Variants in ADAMTS19 observed in about 807,000 individuals in gnomAD.
ADAMTS19 encodes ADAM metallopeptidase with thrombospondin type 1 motif 19.
In ADAMTS19, 93 loss-of-function variants were observed where a neutral mutation model predicts 153.3. The ratio of observed to expected loss-of-function variants is 0.61; its 90% confidence interval spans 0.51 to 0.72. ADAMTS19 has a LOEUF of 0.72. ADAMTS19 is among the 30% of genes least tolerant of loss of function. ADAMTS19 has a pLI of 0.00. For missense variants in ADAMTS19, 1,482 were observed against 1,552.1 expected, an observed-to-expected ratio of 0.95 and a Z score of 0.76; for synonymous variants, 600 against 556.6, an observed-to-expected ratio of 1.08 and a Z score of -1.10.
intron 6 of ADAMTS19, among the ~76,000 whole-genome samples, chr5:129,543,510 GT>G (rs1752738394): frequency 6.6e-6 from 1 of 152,160 alleles, no homozygotes; most frequent in Non-Finnish European, 1.5e-5. Flanking sequence ...ATTACATTAT[GT>G]CTACTGTGTT....
At chr5:129,603,816 T>A (rs1411317346) in intron 8 of ADAMTS19, among the ~76,000 whole-genome samples, 1 of 152,176 alleles carries the variant, frequency 6.6e-6, no homozygotes, top group Admixed American at 6.5e-5. Context: ...ACACAGCTAA[T>A]AAGTGCCTGA....
At chr5:129,565,676 T>A (rs890408919) in intron 7 of ADAMTS19, among the ~76,000 whole-genome samples, 1 of 152,174 alleles carries the variant, frequency 6.6e-6, no homozygotes, top group Non-Finnish European at 1.5e-5. Flanking sequence ...CCTAAAAAGT[T>A]TCCTATTTGT....
intron 6 of ADAMTS19, among the ~76,000 whole-genome samples, chr5:129,534,424 A>G (rs1455003332): frequency 6.6e-6 from 1 of 152,180 alleles, no homozygotes; most frequent in Non-Finnish European, 1.5e-5. Flanking sequence ...AAATTGAGGC[A>G]ATAATTAATA....
intron 2 of ADAMTS19, among the ~76,000 whole-genome samples, chr5:129,494,505 T>A (rs1318330626): frequency 6.6e-6 from 1 of 152,196 alleles, no homozygotes; most frequent in Admixed American, 6.5e-5. Context: ...GGTAATCTAA[T>A]CCAGTCTCAT....
At position 129,668,469 on chromosome 5, in the gene ADAMTS19, C is replaced by T. The variant is rs996643136; in HGVS notation, c.2506+2890C>T. On this transcript the variant is annotated intron_variant, in intron 16 of 22. Coordinates refer to ENST00000274487, the MANE Select transcript of ADAMTS19 (RefSeq NM_133638.6). ...TTGGTGCCCTTTAAGGGCTCATTTC[C>T]TGATTTACAGATGGCATCTTCTTGC... 2.0e-5 allele frequency among the ~76,000 whole-genome samples: 3 copies of T among 152,230 alleles called. No individual in the cohort carries two copies. In the East Asian group the frequency reaches 5.8e-4, roughly 29 times the overall value.
chr5:129,590,869 T>C (rs1750100474), intron 7 of ADAMTS19, among the ~76,000 whole-genome samples: 1 of 152,222 alleles, frequency 6.6e-6, no homozygotes, highest in Admixed American at 6.5e-5. Flanking sequence ...TCTTCACAAT[T>C]ACATTTTTGT....
chr5:129,658,059 C>A (rs1179809371), intron 14 of ADAMTS19, among the ~76,000 whole-genome samples: 1 of 151,962 alleles, frequency 6.6e-6, no homozygotes, highest in Non-Finnish European at 1.5e-5. Flanking sequence ...CCAAGGCAGG[C>A]AGATTACTTG....
At chr5:129,504,872 G>GAC (rs34742030) in intron 2 of ADAMTS19, among the ~76,000 whole-genome samples, 36,591 of 147,984 alleles carry the variant, frequency 0.25, 4,431 homozygotes, top group Non-Finnish European at 0.27. Flanking sequence ...CACACACACA[G>GAC]ACACACACAC....
rs1012120421 is a variant in ADAMTS19 at position 129,460,343 on chromosome 5, G to A, written c.-49G>A. On this transcript the variant is annotated 5_prime_UTR_variant, in exon 1 of 23. Coordinates refer to ENST00000274487, the MANE Select transcript of ADAMTS19 (RefSeq NM_133638.6). ...AGGCCGCTGCGCCCCGGAGTGGATC[G>A]CGCTGGAGGCGTGCGCCGGGCGAGA... is the stretch of plus-strand genomic sequence containing the variant. 1.3e-5 allele frequency: 20 copies of A among 1,549,704 alleles called. No homozygotes were observed. The African/African-American group carries it at 2.6e-4, about 20-fold the overall frequency.
At position 129,701,502 on chromosome 5, in the gene ADAMTS19, G is replaced by T. The variant is rs766226159; in HGVS notation, c.3069G>T (p.Glu1023Asp). The T allele has an allele frequency of 6.2e-7, 1 of 1,614,212 alleles. No homozygotes were observed. Among genetic ancestry groups the T allele is most frequent in the South Asian group, 1.1e-5 (1 of 91,086 alleles). Residue 1023 changes from glutamate (E) to aspartate (D), a missense_variant, in exon 20 of 23, where the codon GAG (glutamate) becomes GAT (aspartate). Physicochemically the swap from Glu to Asp is conservative, Grantham distance 45 (BLOSUM62 2). Around this residue, in one of 2 missense-constraint regions of ADAMTS19, gnomAD observed 616 missense variants for 724.4 expected, o/e 0.85. Transcript: ENST00000274487. ...ATGGAACACTGATTAGAGCCCGAGA[G>T]AGGGACTGCATTGGGCCCAAGCCCG... ...LSNGTLIRAR[E>D]RDCIGPKPAS... is the part of the protein sequence containing the mutation.
intron 6 of ADAMTS19, among the ~76,000 whole-genome samples, chr5:129,548,920 G>T (rs543255330): frequency 6.7e-6 from 1 of 148,950 alleles, no homozygotes; most frequent in Non-Finnish European, 1.5e-5. Context: ...GCAAACTATC[G>T]CAAGGACAAA....
chr5:129,493,827 C>T (rs1278889105), intron 2 of ADAMTS19, among the ~76,000 whole-genome samples: 2 of 152,126 alleles, frequency 1.3e-5, no homozygotes, highest in African/African-American at 4.8e-5. Flanking sequence ...TAGAGAAGTT[C>T]TACCATTAGT....
At chr5:129,600,270 G>A (rs1221116584) in intron 8 of ADAMTS19, among the ~76,000 whole-genome samples, 1 of 152,016 alleles carries the variant, frequency 6.6e-6, no homozygotes, top group Admixed American at 6.6e-5. Flanking sequence ...ATGATTAAGA[G>A]CTATGTAAGT....
chr5:129,616,974 G>C (rs1364779732), intron 8 of ADAMTS19, among the ~76,000 whole-genome samples: 1 of 151,998 alleles, frequency 6.6e-6, no homozygotes, highest in Non-Finnish European at 1.5e-5. Context: ...GCCCGGATTT[G>C]AGTCACAGCT....
intron 6 of ADAMTS19, among the ~76,000 whole-genome samples, chr5:129,551,322 A>G (rs1753084542): frequency 6.6e-6 from 1 of 151,702 alleles, no homozygotes; most frequent in African/African-American, 2.4e-5. Flanking sequence ...ATAAAGAGTA[A>G]AAATTATAAA....
intron 2 of ADAMTS19, among the ~76,000 whole-genome samples, chr5:129,477,223 G>A (rs891819285): frequency 2.4e-4 from 37 of 152,102 alleles, no homozygotes; most frequent in Admixed American, 2.2e-3. Context: ...AGATGTTTTC[G>A]AATGGTCAGA....
At chr5:129,686,134 A>G (rs1755077023) in intron 18 of ADAMTS19, among the ~76,000 whole-genome samples, 1 of 152,200 alleles carries the variant, frequency 6.6e-6, no homozygotes, top group South Asian at 2.1e-4. Flanking sequence ...GGATGATACC[A>G]GTCCTTATGA....
intron 2 of ADAMTS19, among the ~76,000 whole-genome samples, chr5:129,462,165 C>T (rs1749697265): frequency 6.6e-6 from 1 of 152,204 alleles, no homozygotes; most frequent in African/African-American, 2.4e-5. Flanking sequence ...TTGCGCCGCA[C>T]TCTCAGTTCC....
chr5:129,614,536 C>A (rs112008113), intron 8 of ADAMTS19, among the ~76,000 whole-genome samples: 3,636 of 152,124 alleles, frequency 0.024, 120 homozygotes, highest in African/African-American at 0.079. Flanking sequence ...GGACGTATCT[C>A]AAAATAATAA....
Sources: gnomAD v4.1 joint callset for allele counts (sites outside exome capture counted in the v4.1 genomes callset) on GRCh38, gnomAD v4.1.1 for gene constraint, gnomAD v4.1.1 regional missense constraint, MANE v1.5 for transcripts, NCBI Gene and HGNC (gene_info 2026-07-23, HGNC 2026-07-21) for gene names.